Variants in CFAP69 observed in about 807,000 individuals in gnomAD.
CFAP69 encodes the protein cilia and flagella associated protein 69, also known as cilia- and flagella-associated protein 69.
In CFAP69, 92 loss-of-function variants were observed where a neutral mutation model predicts 123.0. The ratio of observed to expected loss-of-function variants is 0.75; its 90% CI spans 0.63 to 0.89. The LOEUF is 0.89. Ranked by LOEUF, CFAP69 falls within the 40% of genes least tolerant of loss-of-function variation. CFAP69 has a pLI of 0.00. For synonymous variants in CFAP69, 380 were observed against 364.3 expected, an observed-to-expected ratio of 1.04 and a Z score of -0.49; for missense variants, 1,067 against 1,096.9, an observed-to-expected ratio of 0.97 and a Z score of 0.39.
chr7:90,311,261 T>C (rs1339472281), downstream of CFAP69, among the ~76,000 whole-genome samples: 1 of 152,068 alleles, frequency 6.6e-6, no homozygotes, highest in Non-Finnish European at 1.5e-5. Flanking sequence ...TCCTCCAGCC[T>C]GGAAGCCACA....
intron 14 of CFAP69, among the ~76,000 whole-genome samples, chr7:90,287,085 G>GAAA (rs34727700): frequency 9.3e-6 from 1 of 107,306 alleles, no homozygotes; most frequent in African/African-American, 3.8e-5. Context: ...GACTCCATCT[G>GAAA]AAAAAAAAAA....
chr7:90,250,494 A>G (rs1445879376), intron 1 of CFAP69, among the ~76,000 whole-genome samples: 1 of 152,216 alleles, frequency 6.6e-6, no homozygotes, highest in Non-Finnish European at 1.5e-5. Flanking sequence ...GTAACTGAGT[A>G]TCAAATGAGC....
Position 90,310,095 on chromosome 7 carries a change from G to T in CFAP69, c.2683G>T (p.Glu895Ter). Residue 895 changes from glutamate (E) to a stop codon, truncating the protein, a stop_gained, in exon 23 of 23, where the codon GAA becomes TAA. Transcript: ENST00000389297. LOFTEE classifies it high-confidence loss of function. ...TVPSGGVVTVESTPARLVGGP... is the reference protein window; with the variant it reads ...TVPSGGVVTV ...GCCCTCTGGTGGAGTAGTAACAGTG[G>T]AAAGCACTCCTGCCCGATTAGTAGG... is the stretch of plus-strand genomic sequence containing the variant. 1 of 1,612,934 alleles carries T rather than the reference G, an allele frequency of 6.2e-7. No individual in the cohort carries two copies. The highest frequency in any genetic ancestry group is 1.3e-5 in the African/African-American group (1 of 74,996).
intron 22 of CFAP69, among the ~76,000 whole-genome samples, chr7:90,309,736 T>C (rs1227875122): frequency 1.3e-5 from 2 of 152,180 alleles, no homozygotes; most frequent in African/African-American, 2.4e-5. Flanking sequence ...GAAACTGCTA[T>C]AAACACTAGT....
chr7:90,313,093 T>C (rs1794465575), downstream of CFAP69, among the ~76,000 whole-genome samples: 1 of 152,246 alleles, frequency 6.6e-6, no homozygotes, highest in Non-Finnish European at 1.5e-5. Context: ...TATATACAAC[T>C]ATATTATCCA....
At chr7:90,267,125 G>C (rs1007129409) in intron 5 of CFAP69, among the ~76,000 whole-genome samples, 1 of 152,164 alleles carries the variant, frequency 6.6e-6, no homozygotes, top group Admixed American at 6.5e-5. Flanking sequence ...AACCTAAGTA[G>C]TGATTTTGCA....
At position 90,306,863 on chromosome 7, in the gene CFAP69, T is replaced by A. The variant is rs1187619302; in HGVS notation, c.2266-38T>A. 2.5e-6 allele frequency: 3 copies of A among 1,208,960 alleles called. No individual in the cohort carries two copies. In the East Asian group the frequency reaches 7.1e-5, roughly 29 times the overall value. The allele number at this position is 1,208,960 out of a possible 1,614,324, so 74.9% of individuals were successfully genotyped here. ...TAATTGTACAATTGCATGATTTGTT[T>A]TTGGTTAATTTAACTTTGTTAAACT... is the stretch of plus-strand genomic sequence containing the variant. On this transcript the variant is annotated intron_variant, in intron 19 of 22. Transcript: ENST00000389297.
intron 1 of CFAP69, 99 bp downstream of exon 1, chr7:90,245,643 A>G: frequency 1.5e-6 from 2 of 1,373,938 alleles, no homozygotes; most frequent in Non-Finnish European, 1.9e-6. Flanking sequence ...AACTGGGGAC[A>G]GGAGTGAAGA....
the CFAP69 span, chr7:90,318,264 T>C: frequency 6.6e-6 from 1 of 152,186 alleles, no homozygotes; most frequent in Non-Finnish European, 1.5e-5. Flanking sequence ...AAATAAGATG[T>C]GAGATATAAA....
At chr7:90,281,409 C>T (rs757626498) in intron 12 of CFAP69, among the ~76,000 whole-genome samples, 4 of 151,800 alleles carry the variant, frequency 2.6e-5, no homozygotes, top group Non-Finnish European at 2.9e-5. Flanking sequence ...TCAAGACCTA[C>T]GATAAAGCTA....
chr7:90,250,477 T>C (rs1248804656), intron 1 of CFAP69, among the ~76,000 whole-genome samples: 2 of 152,206 alleles, frequency 1.3e-5, no homozygotes, highest in Non-Finnish European at 1.5e-5. Flanking sequence ...TGTTAGTCTC[T>C]TTCCCTGTAA....
Position 90,286,260 on chromosome 7 carries a change from CTT to C in CFAP69, c.1538-19_1538-18del, listed in dbSNP as rs778927642. On this transcript the variant is annotated intron_variant, in intron 13 of 22. Transcript: ENST00000389297. ...AAGTAGTGTCCAATAACTATACAGT[CTT>C]TAAATGTTTTCATACCAGGAATCTT... The C allele has an allele frequency of 1.3e-6, 2 of 1,573,028 alleles. No homozygotes were observed. The highest frequency in any genetic ancestry group is 4.5e-5 in the East Asian group (2 of 44,454).
At chr7:90,258,772 T>C (rs11563918) in intron 3 of CFAP69, among the ~76,000 whole-genome samples, 3 of 152,208 alleles carry the variant, frequency 2.0e-5, no homozygotes, top group Admixed American at 1.3e-4. Flanking sequence ...TTTTATGTTC[T>C]TTATAAGACT....
intron 15 of CFAP69, among the ~76,000 whole-genome samples, chr7:90,290,763 T>G (rs1043220994): frequency 4.6e-4 from 11 of 23,684 alleles, no homozygotes; most frequent in East Asian, 4.4e-3. Context: ...TTCTTTTCTT[T>G]TCTTTTCTTT....
intron 22 of CFAP69, among the ~76,000 whole-genome samples, 192 bp downstream of exon 22, chr7:90,309,559 A>T (rs1399049557): frequency 1.4e-5 from 2 of 146,988 alleles, no homozygotes; most frequent in Non-Finnish European, 3.0e-5. Flanking sequence ...AAAAATTAAT[A>T]AAAAAAAAAC....
chr7:90,314,188 G>A (rs1010386217), downstream of CFAP69, among the ~76,000 whole-genome samples: 5 of 152,142 alleles, frequency 3.3e-5, no homozygotes, highest in East Asian at 1.9e-4. Flanking sequence ...TCGGTGTAAC[G>A]TGGGATCCTG....
rs1370231364 is a variant in CFAP69, at chr7:90,253,187, G to A, written c.121-2236G>A. Among the ~76,000 whole-genome samples, 9 of 152,180 alleles carry A rather than the reference G, an allele frequency of 5.9e-5. 1 individual carries two copies. ...AGGAAACTGGGAGAGCTTAACTCCTGTAATGGGGGTAAGCACTGTGACATA... is the reference window on the plus strand; with the variant it reads ...AGGAAACTGGGAGAGCTTAACTCCTATAATGGGGGTAAGCACTGTGACATA... On this transcript the variant is annotated intron_variant, in intron 1 of 22. Transcript: ENST00000389297.
chr7:90,320,290 T>A, the CFAP69 span: 1 of 152,376 alleles, frequency 6.6e-6, no homozygotes, highest in Non-Finnish European at 1.5e-5. Flanking sequence ...GCTATTTCCA[T>A]TTTCATGTAT....
At chr7:90,265,229 C>T (rs996893777) in intron 4 of CFAP69, 72 bp from the exon 5 acceptor site, 1 of 873,278 alleles carries the variant, frequency 1.1e-6, no homozygotes, top group African/African-American at 1.7e-5. Flanking sequence ...GAACTCTCCC[C>T]CACTTACAAA....
Sources: gnomAD v4.1 joint callset for allele counts (sites outside exome capture counted in the v4.1 genomes callset) on GRCh38, gnomAD v4.1.1 for gene constraint, MANE v1.5 for transcripts, NCBI Gene and HGNC (gene_info 2026-07-23, HGNC 2026-07-21) for gene names.